GUCY1A2: variants seen among roughly 807,000 people sequenced by gnomAD.
The protein encoded by GUCY1A2 is guanylate cyclase soluble subunit alpha-2.
GUCY1A2 carries 27 observed loss-of-function variants against 63.5 expected under a neutral mutation model. The observed-to-expected ratio is 0.43, with a 90% CI of 0.31 to 0.59. GUCY1A2 has a LOEUF of 0.59. GUCY1A2 is among the 20% of genes least tolerant of loss of function. The pLI, the probability that GUCY1A2 is intolerant of heterozygous loss-of-function variation, is 0.11. For synonymous variants in GUCY1A2, 364 were observed against 343.5 expected, an observed-to-expected ratio of 1.06 and a Z score of -0.66; for missense variants, 768 against 913.3, an observed-to-expected ratio of 0.84 and a Z score of 2.05.
chr11:107,014,645 T>A (rs1300112957), intron 1 of GUCY1A2, among the ~76,000 whole-genome samples: 2 of 152,162 alleles, frequency 1.3e-5, no homozygotes, highest in East Asian at 3.8e-4. Flanking sequence ...AAAACCTGAG[T>A]GTGGATATCC....
chr11:106,758,029 T>G (rs1334422112), intron 6 of GUCY1A2, among the ~76,000 whole-genome samples: 2 of 152,206 alleles, frequency 1.3e-5, no homozygotes, highest in African/African-American at 2.4e-5. Context: ...ACTGCTGCCT[T>G]TTGTTCAGAT....
At position 106,685,063 on chromosome 11, in the gene GUCY1A2, G is replaced by C. The variant is rs765377571; in HGVS notation, c.*2486C>G. The C allele has an allele frequency of 9.7e-6, 2 of 206,546 alleles. No homozygotes were observed. Among genetic ancestry groups the C allele is most frequent in the Non-Finnish European group, 2.0e-5 (2 of 101,236 alleles). 12.8% of individuals were successfully genotyped at this position (206,546 alleles called of 1,614,324 possible). A position where few individuals can be genotyped will look rare whatever the true frequency, so the allele number is the denominator to read the frequency against. On this transcript the variant is annotated 3_prime_UTR_variant, in exon 8 of 8. Transcript: ENST00000526355. ...GTAACTACAATAATCAACTATAATA[G>C]ATTAGCAAAATGATAACAAATTGGA...
Position 106,682,335 on chromosome 11 carries a change from T to C in GUCY1A2, c.*5214A>G, listed in dbSNP as rs1862445749. 1 of 217,830 alleles carries C rather than the reference T, an allele frequency of 4.6e-6. No homozygotes were observed. Among genetic ancestry groups the C allele is most frequent in the African/African-American group, 2.3e-5 (1 of 44,444 alleles). The allele number at this position is 217,830 out of a possible 1,614,324, so 13.5% of individuals were successfully genotyped here. On this transcript the variant is annotated 3_prime_UTR_variant, in exon 8 of 8. Transcript: ENST00000526355. ...TTGGGATTATTTGAATACTTTTCAA[T>C]GATTCCCAAGTCTGGCTGTATATTA...
chr11:106,768,636 A>G (rs1864203510), intron 6 of GUCY1A2, among the ~76,000 whole-genome samples: 1 of 152,200 alleles, frequency 6.6e-6, no homozygotes, highest in Non-Finnish European at 1.5e-5. Context: ...TAGCATATAT[A>G]CATATAAAAT....
At chr11:106,887,711 T>C (rs1303396513) in intron 4 of GUCY1A2, among the ~76,000 whole-genome samples, 2 of 152,160 alleles carry the variant, frequency 1.3e-5, no homozygotes, top group Admixed American at 1.3e-4. Flanking sequence ...TCAACTTAAT[T>C]ATTTGTTTAC....
chr11:106,899,720 T>C (rs766608421), intron 4 of GUCY1A2, among the ~76,000 whole-genome samples: 4 of 152,346 alleles, frequency 2.6e-5, no homozygotes, highest in Non-Finnish European at 5.9e-5. Context: ...AAAAGAATCC[T>C]ATGCCAAATT....
At chr11:106,940,478 G>A (rs1467139115) in intron 3 of GUCY1A2, among the ~76,000 whole-genome samples, 1 of 152,156 alleles carries the variant, frequency 6.6e-6, no homozygotes, top group African/African-American at 2.4e-5. Context: ...AGAAGGCACA[G>A]TTATTTCCCA....
At chr11:106,794,204 T>G (rs113417487) in intron 5 of GUCY1A2, among the ~76,000 whole-genome samples, 16 of 152,118 alleles carry the variant, frequency 1.1e-4, no homozygotes, top group African/African-American at 3.9e-4. Flanking sequence ...TGTGGATGAA[T>G]CTGGAGGACA....
intron 7 of GUCY1A2, among the ~76,000 whole-genome samples, chr11:106,696,970 G>A (rs1862731789): frequency 6.6e-6 from 1 of 152,054 alleles, no homozygotes; most frequent in Admixed American, 6.5e-5. Flanking sequence ...AAATTCTCTG[G>A]TTTCTTAATT....
chr11:106,908,434 A>C (rs1860243945), intron 4 of GUCY1A2, among the ~76,000 whole-genome samples: 1 of 152,060 alleles, frequency 6.6e-6, no homozygotes, highest in Admixed American at 6.6e-5. Flanking sequence ...GTAAATGTGA[A>C]ATGCATGCAA....
At chr11:106,831,392 G>C (rs566348813) in intron 4 of GUCY1A2, among the ~76,000 whole-genome samples, 1 of 152,270 alleles carries the variant, frequency 6.6e-6, no homozygotes, top group South Asian at 2.1e-4. Flanking sequence ...AAGCACGTGG[G>C]TTATTGGGAT....
chr11:106,996,604 T>C (rs901869233), intron 1 of GUCY1A2, among the ~76,000 whole-genome samples: 7 of 152,214 alleles, frequency 4.6e-5, no homozygotes, highest in Admixed American at 6.5e-5. Flanking sequence ...ATTTCACAGT[T>C]ACTTCTCCTT....
At chr11:106,817,238 AT>A (rs1292737592) in intron 4 of GUCY1A2, among the ~76,000 whole-genome samples, 1 of 152,084 alleles carries the variant, frequency 6.6e-6, no homozygotes, top group Non-Finnish European at 1.5e-5. Context: ...CACAATATGA[AT>A]TTTCCTTAAA....
chr11:106,801,276 C>A (rs1192407982), intron 5 of GUCY1A2, among the ~76,000 whole-genome samples: 1 of 152,106 alleles, frequency 6.6e-6, no homozygotes, highest in African/African-American at 2.4e-5. Flanking sequence ...ATGTTTGTAA[C>A]AAGGACCTTT....
Position 106,674,258 on chromosome 11 carries a change from T to C in GUCY1A2, c.*13291A>G, listed in dbSNP as rs900494049. ...CAAAGACATTTTACATCATGAAACA[T>C]GCTATTTACATTGTGAATGATTTCG... On this transcript the variant is annotated 3_prime_UTR_variant, in exon 8 of 8. Transcript: ENST00000526355. The C allele has an allele frequency of 5.4e-6, 1 of 184,332 alleles. No homozygotes were observed. Among genetic ancestry groups the C allele is most frequent in the African/African-American group, 2.3e-5 (1 of 42,658 alleles). The allele number at this position is 184,332 out of a possible 1,614,324, so 11.4% of individuals were successfully genotyped here.
intron 4 of GUCY1A2, among the ~76,000 whole-genome samples, chr11:106,928,100 C>T (rs1033277495): frequency 6.6e-6 from 1 of 152,094 alleles, no homozygotes; most frequent in Non-Finnish European, 1.5e-5. Flanking sequence ...ATAGTAACAT[C>T]TAAATTAGAA....
At chr11:107,002,388 G>GCTGTGT (rs141875072) in intron 1 of GUCY1A2, among the ~76,000 whole-genome samples, 1 of 149,034 alleles carries the variant, frequency 6.7e-6, no homozygotes, top group Admixed American at 6.7e-5. Context: ...AATAAGAACA[G>GCTGTGT]GTGTGTGTGT....
intron 4 of GUCY1A2, among the ~76,000 whole-genome samples, chr11:106,833,464 T>C (rs922326899): frequency 6.6e-6 from 1 of 152,130 alleles, no homozygotes; most frequent in Non-Finnish European, 1.5e-5. Context: ...CATCTAATAT[T>C]ACAACAACTT....
chr11:106,776,676 A>G, intron 5 of GUCY1A2, 94 bp from the exon 6 acceptor site: 2 of 1,201,122 alleles, frequency 1.7e-6, no homozygotes, highest in Admixed American at 2.0e-5. Flanking sequence ...GCTGAAAAAC[A>G]TGTCGGCAAA....
Sources: allele counts gnomAD v4.1 joint callset (sites outside exome capture counted in the v4.1 genomes callset), GRCh38; gene constraint gnomAD v4.1.1; transcripts MANE v1.5; gene names NCBI Gene and HGNC (gene_info 2026-07-23, HGNC 2026-07-21).